TNRC6C: variants seen among roughly 807,000 people sequenced by gnomAD.
TNRC6C encodes the protein trinucleotide repeat-containing gene 6C protein.
A neutral mutation model predicts 153.7 loss-of-function variants in TNRC6C; 20 were observed. That is an observed-to-expected ratio of 0.13 (90% CI 0.09 to 0.19). The LOEUF (loss-of-function observed/expected upper bound fraction) is 0.19. TNRC6C is among the 10% of genes least tolerant of loss of function. TNRC6C has a pLI of 1.00. For missense variants in TNRC6C, 1,987 were observed against 2,172.0 expected (o/e 0.91, Z 1.69); for synonymous variants, 811 against 841.4 (o/e 0.96, Z 0.63).
chr17:78,019,784 A>C (rs1351667267), intron 1 of TNRC6C, among the ~76,000 whole-genome samples: 1 of 152,180 alleles, frequency 6.6e-6, no homozygotes, highest in Non-Finnish European at 1.5e-5. Flanking sequence ...GAAAATGCTG[A>C]TATGCAAAAG....
chr17:78,049,026 T>C lies in TNRC6C; in HGVS notation c.-37T>C. ...CTGCCTCAGAATGTACTACAGACAC[T>C]GACTCTGCCTCCAACTGTGGCTCAG... is the stretch of plus-strand genomic sequence containing the variant. On this transcript the variant is annotated 5_prime_UTR_variant, in exon 3 of 20. Transcript: ENST00000301624. The surrounding 1 kb of genome is among the most constrained non-coding windows in gnomAD (Gnocchi z 4.1). The C allele has an allele frequency of 6.8e-7, 1 of 1,474,446 alleles. No individual in the cohort carries two copies. The highest frequency in any genetic ancestry group is 9.0e-7 in the Non-Finnish European group (1 of 1,112,666). The allele number at this position is 1,474,446 out of a possible 1,614,324, so 91.3% of individuals were successfully genotyped here.
intron 1 of TNRC6C, among the ~76,000 whole-genome samples, chr17:78,009,717 G>A (rs1223149432): frequency 6.6e-6 from 1 of 151,954 alleles, no homozygotes; most frequent in East Asian, 1.9e-4. Flanking sequence ...ACCATGCCCA[G>A]CTAATTTTTG....
chr17:78,075,197 T>C lies in TNRC6C; in HGVS notation c.2979T>C (p.Asn993=). The C allele has an allele frequency of 6.2e-7, 1 of 1,608,126 alleles. No homozygotes were observed. Among genetic ancestry groups the C allele is most frequent in the Non-Finnish European group, 8.5e-7 (1 of 1,177,344 alleles). Reference sequence around the variant, plus strand: ...GTGGGCTGGGAGTGACCGACCATAATGGAATGGCCGCCAAGCCCCTCGGCT... The same window carrying C: ...GTGGGCTGGGAGTGACCGACCATAACGGAATGGCCGCCAAGCCCCTCGGCT... The change falls in exon 8 of 20, where the codon AAT becomes AAC. Residue 993 remains asparagine (N), a synonymous_variant. Transcript: ENST00000301624. This position sits in a 1 kb window ranked among gnomAD's most constrained non-coding sequence, Gnocchi z 4.2.
chr17:78,073,131 G>C (rs1217621103), intron 7 of TNRC6C, 37 bp downstream of exon 9: 1 of 1,516,314 alleles, frequency 6.6e-7, no homozygotes, highest in Non-Finnish European at 9.0e-7. Flanking sequence ...AAGGTACCCA[G>C]CTGTGAAGTT....
At chr17:78,058,958 T>G (rs1208419533) in intron 3 of TNRC6C, among the ~76,000 whole-genome samples, 16 of 152,258 alleles carry the variant, frequency 1.1e-4, no homozygotes, top group Non-Finnish European at 7.3e-5. Flanking sequence ...GGAAGAGGCA[T>G]ATCTCCAATT....
In TNRC6C at chr17:78,011,774, G is replaced by A. The variant is rs140067281; in HGVS notation, c.-546+6695G>A. ...AAATTGCACACAGCTCTTTCCCAAC[G>A]TGTTTATACTGTTTCACAGTTCTGC... On this transcript the variant is annotated intron_variant, in intron 1 of 19. Coordinates refer to ENST00000301624, the Ensembl canonical transcript of TNRC6C. Among the ~76,000 whole-genome samples the A allele has an allele frequency of 1.5e-4, 23 of 152,290 alleles. No individual in the cohort carries two copies. In the East Asian group the frequency reaches 3.5e-3, roughly 23 times the overall value.
chr17:78,027,989 G>A (rs141335448), intron 1 of TNRC6C, among the ~76,000 whole-genome samples: 3,960 of 149,324 alleles, frequency 0.027, 174 homozygotes, highest in African/African-American at 0.09. Flanking sequence ...TCCACCTCCC[G>A]GGTTCACGCC....
chr17:77,962,378 C>T (rs2070868587), intron 1 of TNRC6C, among the ~76,000 whole-genome samples: 3 of 152,134 alleles, frequency 2.0e-5, no homozygotes, highest in Admixed American at 2.0e-4. Flanking sequence ...AAAGGTGATA[C>T]TTAAGATTTT....
chr17:78,067,908 A>C, exon 5 of TNRC6C: 1 of 1,611,626 alleles, frequency 6.2e-7, no homozygotes. Flanking sequence ...ACGCCCCCAA[A>C]AAAGGACTTC....
chr17:78,045,308 G>C (rs2072385730), intron 2 of TNRC6C, among the ~76,000 whole-genome samples: 1 of 152,116 alleles, frequency 6.6e-6, no homozygotes, highest in African/African-American at 2.4e-5. Context: ...AACTCAACAG[G>C]CATGACTTCA....
chr17:77,992,497 CA>C lies in TNRC6C; in HGVS notation c.-37-11652del, dbSNP rs1333860215. Among the ~76,000 whole-genome samples, 87 of 29,524 alleles carry C rather than the reference CA, an allele frequency of 2.9e-3. 5 individuals carry two copies. The highest frequency in any genetic ancestry group is 0.021 in the South Asian group (14 of 674). 19.4% of individuals were successfully genotyped at this position (29,524 alleles called of 152,430 possible). Reference sequence around the variant, plus strand: ...TGGGCGACAGAGCGAGACTCCGTCTCAAAAAAAAAAAAAAAAAAAAAGATTA... The same window carrying C: ...TGGGCGACAGAGCGAGACTCCGTCTCAAAAAAAAAAAAAAAAAAAAGATTA... On this transcript the variant is annotated intron_variant, in intron 1 of 22. Transcript: ENST00000636222.
At chr17:78,071,477 G>C (rs2072995531) in intron 6 of TNRC6C, among the ~76,000 whole-genome samples, 1 of 152,036 alleles carries the variant, frequency 6.6e-6, no homozygotes, top group African/African-American at 2.4e-5. Context: ...CAGTGCAGTG[G>C]TGTGATCAAG....
At chr17:78,050,915 G>A in exon 3 of TNRC6C, 2 of 1,613,992 alleles carry the variant, frequency 1.2e-6, no homozygotes, top group Non-Finnish European at 1.7e-6. Context: ...AATGGATCTG[G>A]ATGGGATGCT....
intron 2 of TNRC6C, 54 bp downstream of exon 4, chr17:78,031,896 C>G (rs373894465): frequency 4.1e-6 from 5 of 1,228,410 alleles, no homozygotes; most frequent in East Asian, 3.2e-5. Context: ...TTGCTATTTT[C>G]AACTTTGCTG....
intron 1 of TNRC6C, among the ~76,000 whole-genome samples, chr17:78,022,258 C>A (rs1033998064): frequency 6.6e-6 from 1 of 152,178 alleles, no homozygotes; most frequent in Non-Finnish European, 1.5e-5. Context: ...TACTTTGACT[C>A]TTTAAAAATG....
At chr17:77,982,111 G>A (rs1261897417) in intron 1 of TNRC6C, among the ~76,000 whole-genome samples, 1 of 152,166 alleles carries the variant, frequency 6.6e-6, no homozygotes, top group Non-Finnish European at 1.5e-5. Context: ...AATGCCATCT[G>A]CAAGCCAGGA....
intron 15 of TNRC6C, chr17:78,093,392 C>G (rs2073427255): frequency 1.0e-5 from 7 of 674,804 alleles, no homozygotes; most frequent in African/African-American, 1.8e-5. Context: ...TCCGGTAAAA[C>G]TATTCCAACC....
chr17:78,088,424 G>A lies in TNRC6C; in HGVS notation c.3802+1331G>A, dbSNP rs142685428. ...CTTTCTTTTTTTTTTGGTAGAGACA[G>A]GGTCTTTCTATGTTGCCCAGGCAAG... On this transcript the variant is annotated intron_variant, in intron 13 of 19. Coordinates refer to ENST00000301624, the Ensembl canonical transcript of TNRC6C. Among the ~76,000 whole-genome samples the A allele has an allele frequency of 1.4e-3, 220 of 151,788 alleles. 1 individual carries two copies. Among genetic ancestry groups the A allele is most frequent in the African/African-American group, 4.5e-3 (185 of 41,364 alleles).
intron 18 of TNRC6C, among the ~76,000 whole-genome samples, chr17:78,103,047 C>T (rs1216482232): frequency 6.6e-6 from 1 of 152,146 alleles, no homozygotes. Context: ...TTCCCGGGAC[C>T]CAGGCCACAC....
Sources: allele counts gnomAD v4.1 joint callset (sites outside exome capture counted in the v4.1 genomes callset), GRCh38; gene constraint gnomAD v4.1.1; non-coding constraint Gnocchi (gnomAD v3.1); transcripts MANE v1.5; gene names NCBI Gene and HGNC (gene_info 2026-07-23, HGNC 2026-07-21).